The following KANSL1 variants were observed in gnomAD, a reference collection of about 807,000 sequenced individuals.
KANSL1 encodes the protein KAT8 regulatory NSL complex subunit 1.
KANSL1 carries 22 observed loss-of-function variants against 103.6 expected under a neutral mutation model. The observed-to-expected ratio is 0.21, with a 90% confidence interval of 0.15 to 0.30. The LOEUF (loss-of-function observed/expected upper bound fraction) is 0.30, where lower values mean the gene tolerates loss of function less well. Ranked by LOEUF, KANSL1 falls within the 10% of genes least tolerant of loss-of-function variation. The pLI is 1.00. For missense variants in KANSL1, 1,337 were observed against 1,399.8 expected (o/e 0.96, Z 0.72); for synonymous variants, 600 against 527.6 (o/e 1.14, Z -1.88).
intron 2 of KANSL1, among the ~76,000 whole-genome samples, chr17:46,130,187 C>CAAAAAAAAAAAAAA (rs35017603): frequency 1.2e-4 from 9 of 75,468 alleles, no homozygotes; most frequent in Non-Finnish European, 2.2e-4. Flanking sequence ...ATCCTGTCTC[C>CAAAAAAAAAAAAAA]AAAAAAAAAA....
intron 4 of KANSL1, among the ~76,000 whole-genome samples, chr17:46,074,811 T>A (rs1405050249): frequency 6.8e-6 from 1 of 148,042 alleles, no homozygotes; most frequent in Non-Finnish European, 1.5e-5. Flanking sequence ...AAATAAATAT[T>A]GTCAGTTATT....
At chr17:46,047,953 G>A (rs1469795612) in intron 7 of KANSL1, among the ~76,000 whole-genome samples, 1 of 149,706 alleles carries the variant, frequency 6.7e-6, no homozygotes, top group Non-Finnish European at 1.5e-5. Context: ...CGTTCCCCAG[G>A]CTGCAGTGCA....
rs887478125 is a variant in KANSL1, at chr17:46,067,561, C to T, written c.1640G>A (p.Gly547Glu). 1.3e-6 allele frequency: 2 copies of T among 1,585,310 alleles called. No individual in the cohort carries two copies. The highest frequency in any genetic ancestry group is 3.3e-5 in the Admixed American group (2 of 59,982). ...KSCGALRPVN[G>E]VINTLQPVLA... The stretch of plus-strand genomic sequence containing the variant: ...AGCTAAAACTTACGTGTTAATAACT[C>T]CATTGACAGGTCTGAGTGCTCCACA... Residue 547 changes from glycine (G) to glutamate (E), a missense_variant, in exon 5 of 15, where the codon GGA becomes GAA. By Grantham distance (98) the Gly-to-Glu change is moderately conservative. Coordinates refer to ENST00000432791, the MANE Select transcript of KANSL1 (RefSeq NM_015443.4).
At chr17:46,153,743 C>CA (rs1186861663) in intron 2 of KANSL1, among the ~76,000 whole-genome samples, 2 of 151,874 alleles carry the variant, frequency 1.3e-5, no homozygotes, top group Non-Finnish European at 2.9e-5. Flanking sequence ...TGAGAAGCAC[C>CA]AAAAAAATAA....
chr17:46,094,915 C>T (rs765399412), intron 2 of KANSL1, among the ~76,000 whole-genome samples: 4 of 152,188 alleles, frequency 2.6e-5, no homozygotes, highest in African/African-American at 9.7e-5. Flanking sequence ...AGTGGAACTG[C>T]GTTCTAGCAT....
At chr17:46,188,062 T>C (rs2047113697) in intron 1 of KANSL1, among the ~76,000 whole-genome samples, 1 of 152,206 alleles carries the variant, frequency 6.6e-6, no homozygotes. Flanking sequence ...TTCTACATCC[T>C]AAAAGGCACA....
At chr17:46,094,833 G>C (rs1333182486) in intron 2 of KANSL1, 132 bp from the exon 3 acceptor site, 2 of 1,052,784 alleles carry the variant, frequency 1.9e-6, no homozygotes, top group Non-Finnish European at 2.8e-6. Context: ...AAACCCAAGA[G>C]AGAGACAAGA....
chr17:46,077,921 AT>A (rs1409357070), intron 4 of KANSL1, among the ~76,000 whole-genome samples: 6 of 148,658 alleles, frequency 4.0e-5, no homozygotes, highest in Non-Finnish European at 7.6e-5. Context: ...AAGTTCCTCA[AT>A]TTTTTTCCAT....
intron 1 of KANSL1, among the ~76,000 whole-genome samples, chr17:46,190,770 AACGGC>A (rs2147911880): frequency 6.6e-6 from 1 of 152,396 alleles, no homozygotes; most frequent in South Asian, 2.1e-4. Context: ...AGGTCGAAGG[AACGGC>A]ACACTTTGTT....
At chr17:46,112,676 T>C (rs1342989225) in intron 2 of KANSL1, among the ~76,000 whole-genome samples, 1 of 151,738 alleles carries the variant, frequency 6.6e-6, no homozygotes, top group Non-Finnish European at 1.5e-5. Context: ...GAGTGAGACA[T>C]TGTCTCCAAA....
intron 4 of KANSL1, 106 bp downstream of exon 4, chr17:46,082,335 C>T: frequency 1.5e-6 from 1 of 648,460 alleles, no homozygotes; most frequent in Non-Finnish European, 2.7e-6. Context: ...GATACAGTTC[C>T]CCTTCTTCAG....
Position 46,198,955 on chromosome 17 carries a change from A to G in KANSL1, c.-90+24716T>C, listed in dbSNP as rs115488790. 9.3e-3 allele frequency among the ~76,000 whole-genome samples: 1,416 copies of G among 152,352 alleles called. 21 individuals are homozygous for G. Among genetic ancestry groups the G allele is most frequent in the African/African-American group, 0.032 (1,334 of 41,572 alleles). On this transcript the variant is annotated intron_variant, in intron 1 of 14. Coordinates refer to the KANSL1 transcript ENST00000572904. ...AGAATTTATTCTAGATATCACAGAA[A>G]TGAACACATAAACCTATGTAAAAAC...
chr17:46,126,080 T>C (rs1319583728), intron 2 of KANSL1, among the ~76,000 whole-genome samples: 2 of 152,178 alleles, frequency 1.3e-5, no homozygotes, highest in East Asian at 3.8e-4. Context: ...TTCTTAAATA[T>C]ACCTCAATAA....
chr17:46,210,637 T>C (rs2048138593), intron 1 of KANSL1, among the ~76,000 whole-genome samples: 1 of 152,090 alleles, frequency 6.6e-6, no homozygotes, highest in Non-Finnish European at 1.5e-5. Context: ...TTTTTAGAAA[T>C]GCTATATTTA....
At chr17:46,065,297 C>T (rs62060795) in intron 6 of KANSL1, among the ~76,000 whole-genome samples, 21,676 of 152,152 alleles carry the variant, frequency 0.14, 2,122 homozygotes, top group Non-Finnish European at 0.22. Flanking sequence ...CTATAGGACA[C>T]ACTGCAGAGT....
intron 2 of KANSL1, among the ~76,000 whole-genome samples, chr17:46,145,815 A>G (rs1287329603): frequency 1.3e-5 from 2 of 152,112 alleles, no homozygotes; most frequent in Non-Finnish European, 2.9e-5. Context: ...TCCAACCTCC[A>G]CCTCCTGAGT....
At chr17:46,190,181 A>G (rs115699739) in intron 1 of KANSL1, among the ~76,000 whole-genome samples, 1,680 of 152,346 alleles carry the variant, frequency 0.011, 28 homozygotes, top group African/African-American at 0.038. Context: ...TAGAGATGGA[A>G]GAGTAGCCTT....
At chr17:46,077,445 T>C (rs1435502989) in intron 4 of KANSL1, among the ~76,000 whole-genome samples, 2 of 152,254 alleles carry the variant, frequency 1.3e-5, no homozygotes, top group African/African-American at 4.8e-5. Flanking sequence ...TTAGGTTTTT[T>C]TCCTAATTTT....
intron 1 of KANSL1, among the ~76,000 whole-genome samples, chr17:46,190,341 G>C (rs1384032712): frequency 6.6e-6 from 1 of 152,230 alleles, no homozygotes; most frequent in African/African-American, 2.4e-5. Context: ...TGCTCTGCAG[G>C]TTTAACCAGA....
Sources: allele counts gnomAD v4.1 joint callset (sites outside exome capture counted in the v4.1 genomes callset), GRCh38; gene constraint gnomAD v4.1.1; transcripts MANE v1.5; gene names NCBI Gene and HGNC (gene_info 2026-07-23, HGNC 2026-07-21).